Variants in FARS2 observed in about 807,000 individuals in gnomAD.
FARS2 encodes the protein phenylalanine--tRNA ligase, mitochondrial.
Under a neutral mutation model 46.4 loss-of-function variants are expected in FARS2, and 40 were observed. That is an observed-to-expected ratio of 0.86 (90% CI 0.67 to 1.12). FARS2 has a LOEUF of 1.12. Ranked by LOEUF, FARS2 falls within the 50% of genes most tolerant of loss-of-function variation. FARS2 has a pLI of 0.00. For synonymous variants in FARS2, 234 were observed against 214.9 expected (o/e 1.09, Z -0.78); for missense variants, 513 against 567.9 (o/e 0.90, Z 0.98).
chr6:5,704,780 T>C (rs141331162), intron 6 of FARS2, among the ~76,000 whole-genome samples: 2 of 152,348 alleles, frequency 1.3e-5, no homozygotes, highest in Admixed American at 6.5e-5. Flanking sequence ...ATAGGAAATA[T>C]AATAAGGAAC....
intron 6 of FARS2, among the ~76,000 whole-genome samples, chr6:5,722,414 C>T (rs1472381909): frequency 2.6e-5 from 4 of 152,148 alleles, no homozygotes; most frequent in African/African-American, 9.7e-5. Flanking sequence ...CAAAATACAT[C>T]AGGGGTGCTG....
chr6:5,495,220 G>A (rs921195048), intron 4 of FARS2, among the ~76,000 whole-genome samples: 1 of 152,206 alleles, frequency 6.6e-6, no homozygotes, highest in Non-Finnish European at 1.5e-5. Context: ...AAATTATAAT[G>A]CACATTTTTG....
chr6:5,502,833 C>A (rs1031826834), intron 4 of FARS2, among the ~76,000 whole-genome samples: 2 of 152,102 alleles, frequency 1.3e-5, no homozygotes, highest in African/African-American at 2.4e-5. Context: ...GTTAAGTGAT[C>A]CTGCCAATTT....
intron 4 of FARS2, among the ~76,000 whole-genome samples, chr6:5,543,792 G>A (rs992775335): frequency 1.3e-5 from 2 of 151,726 alleles, no homozygotes; most frequent in African/African-American, 2.4e-5. Context: ...GCTGCATCCC[G>A]TCCCATTGCT....
chr6:5,596,333 C>A (rs9392084), intron 5 of FARS2, among the ~76,000 whole-genome samples: 27 of 152,138 alleles, frequency 1.8e-4, no homozygotes, highest in Non-Finnish European at 2.9e-4. Flanking sequence ...CTTCTGCACC[C>A]CCTTTCCCCG....
chr6:5,282,630 G>C (rs73718033), intron 1 of FARS2, among the ~76,000 whole-genome samples: 5,640 of 152,294 alleles, frequency 0.037, 354 homozygotes, highest in African/African-American at 0.13. Flanking sequence ...GCTTGGGCCC[G>C]TGTGGAGCAC....
At chr6:5,577,236 T>C (rs1049133571) in intron 5 of FARS2, among the ~76,000 whole-genome samples, 1 of 151,492 alleles carries the variant, frequency 6.6e-6, no homozygotes, top group Non-Finnish European at 1.5e-5. Flanking sequence ...GAGAAGGTAA[T>C]TATAGATATA....
At chr6:5,405,235 G>A (rs1040605087) in intron 3 of FARS2, among the ~76,000 whole-genome samples, 2 of 152,076 alleles carry the variant, frequency 1.3e-5, no homozygotes, top group African/African-American at 4.8e-5. Context: ...AATTTCGTGC[G>A]TGAAACAAAG....
Position 5,764,644 on chromosome 6 carries a change from A to G in FARS2, c.1218-6647A>G, listed in dbSNP as rs1057188793. ...AGTGACTGCTGGTCATATGTGATCTATTCTGGGAGGTGTTGAGCGCACCAT... is the reference window on the plus strand; with the variant it reads ...AGTGACTGCTGGTCATATGTGATCTGTTCTGGGAGGTGTTGAGCGCACCAT... On this transcript the variant is annotated intron_variant, in intron 6 of 6. Transcript: ENST00000274680. The surrounding 1 kb of genome is among the most constrained non-coding windows in gnomAD (Gnocchi z 4.1). Among the ~76,000 whole-genome samples the G allele has an allele frequency of 6.6e-6, 1 of 152,166 alleles. No homozygotes were observed. Among genetic ancestry groups the G allele is most frequent in the Non-Finnish European group, 1.5e-5 (1 of 68,038 alleles).
chr6:5,580,965 T>C (rs541422159), intron 5 of FARS2, among the ~76,000 whole-genome samples: 114 of 152,352 alleles, frequency 7.5e-4, no homozygotes, highest in Non-Finnish European at 1.3e-3. Flanking sequence ...TATTCATTGG[T>C]TCTGGAAAGT....
At chr6:5,709,646 T>C (rs1449407280) in intron 6 of FARS2, among the ~76,000 whole-genome samples, 3 of 150,656 alleles carry the variant, frequency 2.0e-5, no homozygotes, top group African/African-American at 7.3e-5. Context: ...AAGAAAATTA[T>C]GGTCCCCTGT....
chr6:5,610,237 A>T (rs1408922460), intron 5 of FARS2: 13 of 526,560 alleles, frequency 2.5e-5, no homozygotes, highest in Non-Finnish European at 4.1e-5. Flanking sequence ...ATGTTTTTTC[A>T]GCAGCATCCA....
intron 4 of FARS2, among the ~76,000 whole-genome samples, chr6:5,447,107 A>G (rs1033292303): frequency 1.3e-5 from 2 of 152,200 alleles, no homozygotes; most frequent in African/African-American, 4.8e-5. Context: ...TAATGTGACC[A>G]GATTGATATT....
At position 5,749,676 on chromosome 6, in the gene FARS2, T is replaced by G. The variant is rs7753758; in HGVS notation, c.1218-21615T>G. On this transcript the variant is annotated intron_variant, in intron 6 of 6. Coordinates refer to ENST00000274680, the MANE Select transcript of FARS2 (RefSeq NM_006567.5). ...GCCTGAAAACTTCTTCCTTCTGGCA[T>G]GTTTACAGTTTATGAAGTAAAAAGT... Among the ~76,000 whole-genome samples the G allele has an allele frequency of 5.7e-4, 87 of 152,340 alleles. 2 individuals carry two copies. Among genetic ancestry groups the G allele is most frequent in the African/African-American group, 1.9e-3 (81 of 41,580 alleles).
rs892264859 is a variant in FARS2, at chr6:5,751,523, T to C, written c.1218-19768T>C. ...GAGTCCTTAAATCTAATTGCAATCATGGATCCTTTCCAAGCTTCTAGAGTA... is the reference window on the plus strand; with the variant it reads ...GAGTCCTTAAATCTAATTGCAATCACGGATCCTTTCCAAGCTTCTAGAGTA... On this transcript the variant is annotated intron_variant, in intron 6 of 6. Coordinates refer to ENST00000274680, the MANE Select transcript of FARS2 (RefSeq NM_006567.5). Among the ~76,000 whole-genome samples, 16 of 152,210 alleles carry C rather than the reference T, an allele frequency of 1.1e-4. 1 individual carries two copies. The highest frequency in any genetic ancestry group is 1.0e-3 in the Admixed American group (16 of 15,288).
chr6:5,660,071 G>C (rs1442423751), intron 6 of FARS2, among the ~76,000 whole-genome samples: 1 of 152,182 alleles, frequency 6.6e-6, no homozygotes, highest in Non-Finnish European at 1.5e-5. Context: ...CCATGATGGA[G>C]TTCAAAGAGA....
At chr6:5,302,812 A>G (rs983001567) in intron 1 of FARS2, among the ~76,000 whole-genome samples, 2 of 152,110 alleles carry the variant, frequency 1.3e-5, no homozygotes, top group African/African-American at 2.4e-5. Context: ...GAGTGGTTCC[A>G]GAAGGCACGC....
intron 6 of FARS2, among the ~76,000 whole-genome samples, chr6:5,628,535 T>C (rs115459832): frequency 0.015 from 2,265 of 152,308 alleles, 53 homozygotes; most frequent in African/African-American, 0.051. Flanking sequence ...GATCTGAAGA[T>C]GGGCACCCAG....
intron 6 of FARS2, among the ~76,000 whole-genome samples, chr6:5,722,931 A>G (rs1159842920): frequency 1.3e-5 from 2 of 152,240 alleles, no homozygotes; most frequent in African/African-American, 4.8e-5. Context: ...TATTCATTTT[A>G]TAAAATAAAC....
Sources: gnomAD v4.1 joint callset for allele counts (sites outside exome capture counted in the v4.1 genomes callset) on GRCh38, gnomAD v4.1.1 for gene constraint, Gnocchi (gnomAD v3.1) non-coding constraint, MANE v1.5 for transcripts, NCBI Gene and HGNC (gene_info 2026-07-23, HGNC 2026-07-21) for gene names.